Variants in AQP9 observed in about 807,000 individuals in gnomAD.
The protein encoded by AQP9 is aquaporin-9.
AQP9 carries 19 observed loss-of-function variants against 23.8 expected under a neutral mutation model. The observed-to-expected ratio is 0.80, with a 90% CI of 0.56 to 1.17. AQP9 has a LOEUF of 1.17. AQP9 is among the 50% of genes most tolerant of loss of function. The pLI, the probability that AQP9 is intolerant of heterozygous loss-of-function variation, is 0.00. For synonymous variants in AQP9, 153 were observed against 131.5 expected (o/e 1.16, Z -1.12); for missense variants, 413 against 362.0 (o/e 1.14, Z -1.14).
intron 1 of AQP9, chr15:58,155,217 C>A (rs1429303938): frequency 6.6e-6 from 1 of 152,162 alleles, no homozygotes; most frequent in African/African-American, 2.4e-5. Flanking sequence ...GTGCTAACGG[C>A]GCTTCAGTAT....
chr15:58,173,025 T>A (rs1363100144), intron 2 of AQP9, 43 bp from the exon 3 acceptor site: 1 of 1,611,672 alleles, frequency 6.2e-7, no homozygotes, highest in Non-Finnish European at 8.5e-7. Flanking sequence ...TGTATATTCT[T>A]CTTCCTAACC....
chr15:58,177,781 A>T (rs1389014916), intron 4 of AQP9, among the ~76,000 whole-genome samples: 2 of 152,244 alleles, frequency 1.3e-5, no homozygotes, highest in African/African-American at 4.8e-5. Flanking sequence ...CTATCATTTA[A>T]CTGTTAAAGT....
chr15:58,154,097 A>T (rs904070099), intron 1 of AQP9: 1 of 152,122 alleles, frequency 6.6e-6, no homozygotes, highest in African/African-American at 2.4e-5. Context: ...ATAGAACTAA[A>T]TTTTATAACT....
At chr15:58,151,791 A>G (rs1324702018) in intron 1 of AQP9, 3 of 152,062 alleles carry the variant, frequency 2.0e-5, no homozygotes, top group Non-Finnish European at 4.4e-5. Flanking sequence ...TGACTCCCCA[A>G]AGCCCACGTG....
chr15:58,182,009 C>G (rs1212062000), intron 5 of AQP9, among the ~76,000 whole-genome samples: 1 of 152,080 alleles, frequency 6.6e-6, no homozygotes, highest in Non-Finnish European at 1.5e-5. Flanking sequence ...AAAAACAAGG[C>G]TACCTTGTTC....
At chr15:58,175,120 T>A in intron 4 of AQP9, 84 bp downstream of exon 4, 1 of 1,224,894 alleles carries the variant, frequency 8.2e-7, no homozygotes, top group Non-Finnish European at 1.2e-6. Context: ...TAGAGACCAA[T>A]CAGAAAGGAG....
intron 4 of AQP9, among the ~76,000 whole-genome samples, chr15:58,175,682 G>A (rs1898736398): frequency 2.6e-5 from 4 of 152,206 alleles, no homozygotes; most frequent in African/African-American, 7.2e-5. Flanking sequence ...GCAGTGGAAG[G>A]AAGGCTATAT....
intron 1 of AQP9, chr15:58,152,246 C>T (rs1342111210): frequency 6.6e-6 from 1 of 152,128 alleles, no homozygotes; most frequent in African/African-American, 2.4e-5. Flanking sequence ...GCCTTTCCCC[C>T]TACTATTAAT....
At chr15:58,157,395 C>T (rs1302080425) in intron 1 of AQP9, among the ~76,000 whole-genome samples, 1 of 152,142 alleles carries the variant, frequency 6.6e-6, no homozygotes, top group Non-Finnish European at 1.5e-5. Context: ...GGTATTGGGG[C>T]ATTTTAGAAT....
At chr15:58,178,383 A>C (rs1308417617) in intron 4 of AQP9, among the ~76,000 whole-genome samples, 2 of 152,246 alleles carry the variant, frequency 1.3e-5, no homozygotes, top group African/African-American at 4.8e-5. Context: ...GTTTTTCAGT[A>C]CTATAAATTT....
intron 1 of AQP9, among the ~76,000 whole-genome samples, chr15:58,142,373 C>T (rs1414480279): frequency 6.6e-6 from 1 of 152,198 alleles, no homozygotes; most frequent in African/African-American, 2.4e-5. Flanking sequence ...GAATTAACTC[C>T]TTTCATGTGA....
In AQP9 at chr15:58,138,431, A is replaced by G; in HGVS notation, c.-135A>G. On this transcript the variant is annotated 5_prime_UTR_variant, in exon 1 of 6. Transcript: ENST00000219919. ...CCTCTAATTGGAACGGCATTTGTACAGTCAGAGACTCTTACCAGACATCTC... is the reference window on the plus strand; with the variant it reads ...CCTCTAATTGGAACGGCATTTGTACGGTCAGAGACTCTTACCAGACATCTC... 1.6e-6 allele frequency: 1 copy of G among 633,262 alleles called. No individual in the cohort carries two copies. Among genetic ancestry groups the G allele is most frequent in the East Asian group, 2.8e-5 (1 of 36,060 alleles). 39.2% of individuals were successfully genotyped at this position (633,262 alleles called of 1,614,324 possible). A position where few individuals can be genotyped will look rare whatever the true frequency, so the allele number is the denominator to read the frequency against.
intron 1 of AQP9, among the ~76,000 whole-genome samples, chr15:58,164,991 T>A (rs191647622): frequency 6.6e-6 from 1 of 152,186 alleles, no homozygotes; most frequent in Non-Finnish European, 1.5e-5. Context: ...AGCCTTCACA[T>A]TGTTAATCTC....
At chr15:58,172,249 T>C (rs1252080396) in intron 2 of AQP9, among the ~76,000 whole-genome samples, 1 of 152,198 alleles carries the variant, frequency 6.6e-6, no homozygotes, top group East Asian at 1.9e-4. Flanking sequence ...GTAGTACTCA[T>C]CTCATTGGGT....
chr15:58,152,398 A>C lies in AQP9; in HGVS notation c.111+13722A>C, dbSNP rs1191505848. The stretch of plus-strand genomic sequence containing the variant: ...ACAATGAGGGACACTTGTGTATTAC[A>C]TTAACAGTATTAAATGCTCATTTAC... On this transcript the variant is annotated intron_variant, in intron 1 of 5. Coordinates refer to ENST00000219919, the MANE Select transcript of AQP9 (RefSeq NM_020980.5). 2.0e-5 allele frequency: 3 copies of C among 152,320 alleles called. No homozygotes were observed. The East Asian group carries it at 5.8e-4, about 29-fold the overall frequency. The allele number at this position is 152,320 out of a possible 1,614,324, so 9.4% of individuals were successfully genotyped here.
intron 1 of AQP9, among the ~76,000 whole-genome samples, chr15:58,160,129 C>T (rs1394815505): frequency 3.3e-5 from 5 of 152,152 alleles, no homozygotes; most frequent in African/African-American, 7.2e-5. Context: ...CTAACAACAG[C>T]GTATAAATGT....
intron 1 of AQP9, among the ~76,000 whole-genome samples, chr15:58,139,149 T>C (rs1425663219): frequency 6.6e-6 from 1 of 152,216 alleles, no homozygotes; most frequent in East Asian, 1.9e-4. Flanking sequence ...TTGACAAGTA[T>C]TGTGCTGTCA....
intron 1 of AQP9, chr15:58,138,882 C>T (rs558165035): frequency 2.0e-6 from 1 of 497,438 alleles, no homozygotes; most frequent in Non-Finnish European, 3.6e-6. Flanking sequence ...CATTTACCCA[C>T]AAAAGTTGAT....
chr15:58,179,331 G>T lies in AQP9; in HGVS notation c.699G>T (p.Gly233=), dbSNP rs375182062. 10 of 1,612,854 alleles carry T rather than the reference G, an allele frequency of 6.2e-6. No individual in the cohort carries two copies. The highest frequency in any genetic ancestry group is 8.5e-6 in the Non-Finnish European group (10 of 1,179,456). ...PRLFTALAGW[G]FEVFRAGNNF... ...TTTTCACTGCCTTGGCAGGCTGGGG[G>T]TTTGAAGTCTTCAGGTAAGTAACAG... Residue 233 remains glycine, a synonymous_variant, in exon 5 of 6, where the codon GGG becomes GGT. Transcript: ENST00000219919.
Sources: allele counts gnomAD v4.1 joint callset (sites outside exome capture counted in the v4.1 genomes callset), GRCh38; gene constraint gnomAD v4.1.1; transcripts MANE v1.5; gene names NCBI Gene and HGNC (gene_info 2026-07-23, HGNC 2026-07-21).